Variants in MUC22 observed in about 807,000 individuals in gnomAD.
MUC22 encodes mucin 22.
Under a neutral mutation model 40.3 loss-of-function variants are expected in MUC22, and 24 were observed. That is an observed-to-expected ratio of 0.60 (90% CI 0.43 to 0.84). MUC22 has a LOEUF of 0.84. Ranked by LOEUF, MUC22 falls within the 40% of genes least tolerant of loss-of-function variation. MUC22 has a pLI of 0.00. For missense variants in MUC22, 1,926 were observed against 2,130.7 expected, an observed-to-expected ratio of 0.90 and a Z score of 1.89; for synonymous variants, 765 against 844.5, an observed-to-expected ratio of 0.91 and a Z score of 1.63.
chr6:31,025,671 C>T (rs144671884), exon 2 of MUC22: 1 of 1,533,142 alleles, frequency 6.5e-7, no homozygotes, highest in Admixed American at 2.0e-5. Context: ...CAGCCTCCAC[C>T]ATGGCTTCTA....
Position 31,034,917 on chromosome 6 carries a change from T to G in MUC22, c.5301T>G (p.Tyr1767Ter). ...ACGGAGTGAATCATGGCGGGCATTA[T>G]GGACATGGAGGAGGCCACTGAGGAC... The change falls in exon 4 of 4, where the codon TAT (tyrosine) becomes TAG (stop). Residue 1767 changes from tyrosine (Y) to a stop codon, truncating the protein, a stop_gained. Coordinates refer to ENST00000561890, the Ensembl canonical transcript of MUC22. LOFTEE classifies it high-confidence loss of function. 2 of 1,535,354 alleles carry G rather than the reference T, an allele frequency of 1.3e-6. No homozygotes were observed. Among genetic ancestry groups the G allele is most frequent in the South Asian group, 2.4e-5 (2 of 84,038 alleles).
chr6:31,029,367 C>T, exon 2 of MUC22: 5 of 1,535,222 alleles, frequency 3.3e-6, no homozygotes, highest in Non-Finnish European at 3.5e-6. Context: ...CTACTGAAGG[C>T]TCTGAGACAA....
At chr6:31,025,580 C>T in exon 2 of MUC22, 9 of 1,522,280 alleles carry the variant, frequency 5.9e-6, no homozygotes, top group Non-Finnish European at 7.9e-6. Flanking sequence ...ACCACCATGG[C>T]CTCCACCATG....
At chr6:31,022,651 T>C (rs1338049184) in intron 1 of MUC22, among the ~76,000 whole-genome samples, 1 of 152,014 alleles carries the variant, frequency 6.6e-6, no homozygotes, top group African/African-American at 2.4e-5. Flanking sequence ...ATGACAACAG[T>C]GGTACAAGGG....
chr6:31,021,833 G>C (rs562725288), intron 1 of MUC22, among the ~76,000 whole-genome samples: 1 of 152,136 alleles, frequency 6.6e-6, no homozygotes, highest in Non-Finnish European at 1.5e-5. Context: ...GCCAGCAGTG[G>C]CAACCTGCTT....
intron 1 of MUC22, among the ~76,000 whole-genome samples, chr6:31,022,384 G>C (rs114863828): frequency 6.6e-6 from 1 of 152,032 alleles, no homozygotes; most frequent in African/African-American, 2.4e-5. Flanking sequence ...GGCTGGTATC[G>C]AACTCCTGGT....
At chr6:31,025,993 G>T in exon 2 of MUC22, 1 of 1,533,618 alleles carries the variant, frequency 6.5e-7, no homozygotes, top group South Asian at 1.2e-5. Flanking sequence ...GACTGCCACA[G>T]TCTCTACCAC....
intron 1 of MUC22, among the ~76,000 whole-genome samples, chr6:31,024,177 CACCAGACTGAAGAAG>C (rs1765087455): frequency 6.6e-6 from 1 of 152,138 alleles, no homozygotes; most frequent in Non-Finnish European, 1.5e-5. Flanking sequence ...TGAAGAACTG[CACCAGACTGAAGAAG>C]ACTAAAGAGA....
intron 2 of MUC22, among the ~76,000 whole-genome samples, chr6:31,030,925 G>A (rs542815294): frequency 5.3e-5 from 8 of 152,132 alleles, no homozygotes; most frequent in African/African-American, 1.7e-4. Flanking sequence ...CTGCTTTTCC[G>A]TGTATTTGCA....
chr6:31,031,679 C>T (rs561185384), intron 2 of MUC22, among the ~76,000 whole-genome samples: 54 of 152,174 alleles, frequency 3.5e-4, no homozygotes, highest in South Asian at 2.5e-3. Flanking sequence ...CACTCTTCCC[C>T]CAAAGTCCCC....
intron 1 of MUC22, among the ~76,000 whole-genome samples, chr6:31,023,850 A>T (rs1765063546): frequency 6.6e-6 from 1 of 152,176 alleles, no homozygotes; most frequent in African/African-American, 2.4e-5. Context: ...TATTAGGGAT[A>T]AAGAGAGACA....
chr6:31,019,515 G>T (rs1764513038), intron 1 of MUC22, among the ~76,000 whole-genome samples: 1 of 152,168 alleles, frequency 6.6e-6, no homozygotes, highest in African/African-American at 2.4e-5. Flanking sequence ...CAGATATCAG[G>T]GTTGGACAGG....
At position 31,027,505 on chromosome 6, in the gene MUC22, G is replaced by A. The variant is rs1581655308; in HGVS notation, c.2074G>A (p.Gly692Ser). ...TGAGACCACTACAGCCTCTACTGAAGGCTCTGAGATCACAATAGCCTCTAC... is the reference window on the plus strand; with the variant it reads ...TGAGACCACTACAGCCTCTACTGAAAGCTCTGAGATCACAATAGCCTCTAC... The change falls in exon 2 of 4, where the codon GGC (glycine) becomes AGC (serine). Residue 692 changes from glycine (G) to serine (S), a missense_variant. Gly to Ser is a moderately conservative substitution (Grantham distance 56). Transcript: ENST00000561890. 5 of 1,531,240 alleles carry A rather than the reference G, an allele frequency of 3.3e-6. No homozygotes were observed. The highest frequency in any genetic ancestry group is 3.5e-6 in the Non-Finnish European group (4 of 1,144,556). The allele number at this position is 1,531,240 out of a possible 1,614,324, so 94.9% of individuals were successfully genotyped here.
At chr6:31,015,333 A>C (rs1022049538) in intron 1 of MUC22, among the ~76,000 whole-genome samples, 1 of 152,214 alleles carries the variant, frequency 6.6e-6, no homozygotes, top group East Asian at 1.9e-4. Context: ...TAATATACAG[A>C]AATTAAAAAT....
At chr6:31,025,441 T>C (rs1040123043) in intron 1 of MUC22, 61 bp from the exon 2 acceptor site, 12 of 1,437,880 alleles carry the variant, frequency 8.3e-6, no homozygotes, top group African/African-American at 7.2e-5. Context: ...AGTAACACTA[T>C]ACTAAACCTG....
At chr6:31,013,338 G>C (rs922088252) in intron 1 of MUC22, among the ~76,000 whole-genome samples, 7 of 151,720 alleles carry the variant, frequency 4.6e-5, no homozygotes, top group Admixed American at 6.6e-5. Flanking sequence ...TGTTGCCCAG[G>C]CTGGACTCGA....
intron 1 of MUC22, 118 bp downstream of exon 1, chr6:31,010,894 T>C (rs1763820336): frequency 1.5e-5 from 1 of 68,036 alleles, no homozygotes. Context: ...ATGATTCATT[T>C]TTTTTTTTTT....
intron 1 of MUC22, among the ~76,000 whole-genome samples, chr6:31,017,497 C>G (rs1458205235): frequency 1.3e-5 from 2 of 151,854 alleles, no homozygotes; most frequent in African/African-American, 2.4e-5. Context: ...CACCCTGTGT[C>G]TAGCTAATCT....
At chr6:31,029,877 C>T (rs74783195) in exon 2 of MUC22, 14 of 1,533,518 alleles carry the variant, frequency 9.1e-6, no homozygotes, top group African/African-American at 1.4e-5. Context: ...CCAGTGCAGG[C>T]TCTGAGACCA....
Sources: gnomAD v4.1 joint callset for allele counts (sites outside exome capture counted in the v4.1 genomes callset) on GRCh38, gnomAD v4.1.1 for gene constraint, MANE v1.5 for transcripts, NCBI Gene and HGNC (gene_info 2026-07-23, HGNC 2026-07-21) for gene names.